Variants in PEBP4 observed in about 807,000 individuals in gnomAD.
PEBP4 encodes the protein phosphatidylethanolamine-binding protein 4.
In PEBP4, 22 loss-of-function variants were observed where a neutral mutation model predicts 23.9. That is an observed-to-expected ratio of 0.92 (90% CI 0.66 to 1.31). The LOEUF (loss-of-function observed/expected upper bound fraction) is 1.31. Among genes scored for constraint, PEBP4 ranks in the 40% most tolerant of loss-of-function variants. The probability of loss-of-function intolerance (pLI) is 0.00; values close to 1 mark genes in which losing one functional copy is unlikely to be tolerated. For synonymous variants in PEBP4, 112 were observed against 99.3 expected, an observed-to-expected ratio of 1.13 and a Z score of -0.76; for missense variants, 324 against 281.7, an observed-to-expected ratio of 1.15 and a Z score of -1.07.
At chr8:22,840,568 G>A (rs572911109) in intron 3 of PEBP4, among the ~76,000 whole-genome samples, 2 of 152,222 alleles carry the variant, frequency 1.3e-5, no homozygotes, top group South Asian at 2.1e-4. Flanking sequence ...GGAATTGGAA[G>A]GGTGAGAACT....
At chr8:22,764,662 G>A (rs774363311) in intron 4 of PEBP4, among the ~76,000 whole-genome samples, 2 of 151,858 alleles carry the variant, frequency 1.3e-5, no homozygotes, top group Non-Finnish European at 2.9e-5. Context: ...GTGGGGATTT[G>A]GAGCCTCAAC....
At chr8:22,780,885 T>G (rs951477362) in intron 4 of PEBP4, among the ~76,000 whole-genome samples, 2 of 152,230 alleles carry the variant, frequency 1.3e-5, no homozygotes, top group Non-Finnish European at 2.9e-5. Flanking sequence ...CGTGTTGCCC[T>G]GTGCCCTGAA....
chr8:22,928,002 G>T (rs1407002702), upstream of PEBP4: 5 of 380,156 alleles, frequency 1.3e-5, no homozygotes, highest in African/African-American at 1.1e-4. Context: ...TCTTGTCCTG[G>T]CTGCCAGGGC....
intron 4 of PEBP4, among the ~76,000 whole-genome samples, chr8:22,785,891 G>T (rs1024712373): frequency 1.3e-5 from 2 of 152,160 alleles, no homozygotes; most frequent in African/African-American, 4.8e-5. Flanking sequence ...AAGAATGCAG[G>T]TTTAAAATCT....
chr8:22,768,418 G>A (rs1805651025), intron 4 of PEBP4, among the ~76,000 whole-genome samples: 1 of 152,168 alleles, frequency 6.6e-6, no homozygotes, highest in Non-Finnish European at 1.5e-5. Context: ...TGCCTGGGGT[G>A]GTTTGGGGTG....
upstream of PEBP4, among the ~76,000 whole-genome samples, chr8:22,931,891 C>T (rs1226336130): frequency 6.6e-6 from 1 of 152,230 alleles, no homozygotes; most frequent in Non-Finnish European, 1.5e-5. Context: ...ACTACCTTCC[C>T]TCTGGTACCT....
chr8:22,760,372 G>A (rs557746606), intron 4 of PEBP4, among the ~76,000 whole-genome samples: 3 of 152,104 alleles, frequency 2.0e-5, no homozygotes, highest in Non-Finnish European at 4.4e-5. Context: ...GTAATTAAAC[G>A]TTTATGGGTC....
intron 3 of PEBP4, among the ~76,000 whole-genome samples, chr8:22,836,614 T>C (rs1210931645): frequency 2.0e-5 from 3 of 152,262 alleles, no homozygotes; most frequent in Admixed American, 6.5e-5. Flanking sequence ...CTGGCTCACA[T>C]GGCTCTGGCT....
chr8:22,850,069 C>A (rs182368486), intron 3 of PEBP4, among the ~76,000 whole-genome samples: 268 of 151,812 alleles, frequency 1.8e-3, no homozygotes, highest in African/African-American at 6.0e-3. Context: ...CTCCTGGATC[C>A]CCCAGGAGCC....
At chr8:22,829,592 G>A (rs1807039105) in intron 3 of PEBP4, among the ~76,000 whole-genome samples, 1 of 152,162 alleles carries the variant, frequency 6.6e-6, no homozygotes, top group Non-Finnish European at 1.5e-5. Flanking sequence ...TCTTAGTGAA[G>A]CTGAGTGGCT....
At position 22,920,319 on chromosome 8, in the gene PEBP4, A is replaced by C; in HGVS notation, c.132-9T>G. 6.2e-7 allele frequency: 1 copy of C among 1,606,984 alleles called. No individual in the cohort carries two copies. Among genetic ancestry groups the C allele is most frequent in the Non-Finnish European group, 8.5e-7 (1 of 1,174,178 alleles). ...AGAAAACTTCAAGGCCCCTATGAAG[A>C]GAGAGGGGAGGTTGCCCTGTGTCAG... On this transcript the variant is annotated splice_polypyrimidine_tract_variant and intron_variant, in intron 2 of 6. Transcript: ENST00000256404.
intron 3 of PEBP4, among the ~76,000 whole-genome samples, chr8:22,902,079 G>C (rs1808723304): frequency 6.6e-6 from 1 of 152,216 alleles, no homozygotes; most frequent in South Asian, 2.1e-4. Flanking sequence ...AGCACTTTGG[G>C]AGGCTGAGGC....
intron 3 of PEBP4, among the ~76,000 whole-genome samples, chr8:22,859,220 TC>T (rs1462535800): frequency 6.6e-6 from 1 of 151,498 alleles, no homozygotes; most frequent in Non-Finnish European, 1.5e-5. Context: ...GCCATCAGAC[TC>T]CCCCCGTGGA....
At chr8:22,923,735 T>A (rs1809260364) in intron 2 of PEBP4, among the ~76,000 whole-genome samples, 1 of 151,892 alleles carries the variant, frequency 6.6e-6, no homozygotes. Context: ...TTGGAAGAGG[T>A]GATTAAGTCA....
intron 3 of PEBP4, among the ~76,000 whole-genome samples, chr8:22,858,616 T>C (rs1043937636): frequency 6.6e-6 from 1 of 152,136 alleles, no homozygotes; most frequent in Admixed American, 6.5e-5. Context: ...AACTGAGACT[T>C]TGAGATGACA....
At chr8:22,737,360 C>T (rs898588805) in intron 4 of PEBP4, among the ~76,000 whole-genome samples, 1 of 152,004 alleles carries the variant, frequency 6.6e-6, no homozygotes, top group Non-Finnish European at 1.5e-5. Flanking sequence ...CTGCCCCAGC[C>T]TCCTTAGAGG....
intron 1 of PEBP4, among the ~76,000 whole-genome samples, chr8:22,940,490 C>CTTTTTTTTTTTTTTT (rs761722562): frequency 1.8e-5 from 2 of 110,054 alleles, no homozygotes; most frequent in East Asian, 2.4e-4. Context: ...ATGAATTTCT[C>CTTTTTTTTTTTTTTT]TTTTTTTTTT....
At chr8:22,716,065 A>G (rs1804412838) in intron 6 of PEBP4, among the ~76,000 whole-genome samples, 1 of 152,094 alleles carries the variant, frequency 6.6e-6, no homozygotes, top group Admixed American at 6.5e-5. Context: ...GGACGAGGGT[A>G]GGGGCAGTGT....
chr8:22,714,541 G>C (rs900870092), intron 6 of PEBP4, among the ~76,000 whole-genome samples: 5 of 151,680 alleles, frequency 3.3e-5, no homozygotes, highest in African/African-American at 1.2e-4. Flanking sequence ...ACTTTTTGTT[G>C]TTGTTGTTGT....
Sources: allele counts gnomAD v4.1 joint callset (sites outside exome capture counted in the v4.1 genomes callset), GRCh38; gene constraint gnomAD v4.1.1; transcripts MANE v1.5; gene names NCBI Gene and HGNC (gene_info 2026-07-23, HGNC 2026-07-21).